Variants in BCAS3 observed in about 807,000 individuals in gnomAD.
The protein encoded by BCAS3 is BCAS4/BCAS3 fusion.
A neutral mutation model predicts 116.1 loss-of-function variants in BCAS3; 53 were observed. The ratio of observed to expected loss-of-function variants is 0.46; its 90% CI spans 0.37 to 0.57. BCAS3 has a LOEUF of 0.57. Ranked by LOEUF, BCAS3 falls within the 20% of genes least tolerant of loss-of-function variation. The pLI, the probability that BCAS3 is intolerant of heterozygous loss-of-function variation, is 0.00. For synonymous variants in BCAS3, 391 were observed against 408.2 expected (o/e 0.96, Z 0.51); for missense variants, 917 against 1,165.4 (o/e 0.79, Z 3.10).
In BCAS3 at chr17:61,391,924, C is replaced by G; in HGVS notation, c.2594-53C>G. On this transcript the variant is annotated intron_variant, in intron 23 of 23. Transcript: ENST00000407086. This position sits in a 1 kb window ranked among gnomAD's most constrained non-coding sequence, Gnocchi z 7.7. ...AGGCAGCCTGGCCCAGATGGTGCCC[C>G]CACTCCCCAGACCCAACTCTAACCA... 2.5e-6 allele frequency: 4 copies of G among 1,583,928 alleles called. No individual in the cohort carries two copies. The highest frequency in any genetic ancestry group is 3.4e-6 in the Non-Finnish European group (4 of 1,164,692).
intron 5 of BCAS3, among the ~76,000 whole-genome samples, chr17:60,728,363 G>A (rs1026650032): frequency 8.5e-5 from 13 of 152,116 alleles, no homozygotes; most frequent in Non-Finnish European, 1.8e-4. Context: ...TTAGTAATAT[G>A]CATATAAGGT....
At position 61,348,940 on chromosome 17, in the gene BCAS3, G is replaced by C. The variant is rs1290562039; in HGVS notation, c.2426-19387G>C. On this transcript the variant is annotated intron_variant, in intron 22 of 23. Transcript: ENST00000407086. This position sits in a 1 kb window ranked among gnomAD's most constrained non-coding sequence, Gnocchi z 4.5. ...GCTAACTTTTTGTATTTTTGGTAGA[G>C]ATGGGGTTTCACCGTGTTAGCCAGG... is the stretch of plus-strand genomic sequence containing the variant. 6.6e-6 allele frequency among the ~76,000 whole-genome samples: 1 copy of C among 151,954 alleles called. No homozygotes were observed. Among genetic ancestry groups the C allele is most frequent in the Non-Finnish European group, 1.5e-5 (1 of 68,000 alleles).
intron 6 of BCAS3, among the ~76,000 whole-genome samples, chr17:60,803,795 G>GA (rs2048021211): frequency 9.9e-6 from 1 of 100,740 alleles, no homozygotes; most frequent in Non-Finnish European, 1.9e-5. Flanking sequence ...TAACTATTAC[G>GA]ATTTTTTTTT....
chr17:60,811,703 A>G (rs966846654), intron 7 of BCAS3, among the ~76,000 whole-genome samples: 2 of 152,248 alleles, frequency 1.3e-5, no homozygotes, highest in Admixed American at 6.5e-5. Flanking sequence ...GTTAGAATTT[A>G]TATAAAACTC....
intron 6 of BCAS3, among the ~76,000 whole-genome samples, chr17:60,755,162 G>A (rs1428715492): frequency 2.0e-5 from 3 of 152,122 alleles, no homozygotes; most frequent in African/African-American, 7.2e-5. Context: ...ATGGTTTTAG[G>A]TATAGGAAAT....
chr17:61,313,172 C>T lies in BCAS3; in HGVS notation c.2426-55155C>T, dbSNP rs1210756646. 6.6e-6 allele frequency among the ~76,000 whole-genome samples: 1 copy of T among 152,226 alleles called. No homozygotes were observed. Among genetic ancestry groups the T allele is most frequent in the Non-Finnish European group, 1.5e-5 (1 of 68,046 alleles). ...ACAGTCTTTGGATTCATGGCAATTA[C>T]TGCCAGGTAGAGAAAGCGAATGCTG... On this transcript the variant is annotated intron_variant, in intron 22 of 23. Transcript: ENST00000407086. The surrounding 1 kb of genome is among the most constrained non-coding windows in gnomAD (Gnocchi z 4.3).
intron 19 of BCAS3, among the ~76,000 whole-genome samples, chr17:61,046,024 T>TTATATATATATA (rs2068211167): frequency 9.9e-5 from 1 of 10,146 alleles, no homozygotes; most frequent in African/African-American, 1.1e-3. Context: ...ATATATATAT[T>TTATATATATATA]ATATATATAT....
At chr17:60,838,592 G>T (rs1017962981) in intron 7 of BCAS3, among the ~76,000 whole-genome samples, 1 of 151,774 alleles carries the variant, frequency 6.6e-6, no homozygotes, top group Non-Finnish European at 1.5e-5. Flanking sequence ...AAATATTTTA[G>T]GTTCATTGGA....
Position 61,244,953 on chromosome 17 carries a change from T to C in BCAS3, c.2426-123374T>C, listed in dbSNP as rs2047816808. 6.6e-6 allele frequency among the ~76,000 whole-genome samples: 1 copy of C among 152,266 alleles called. No homozygotes were observed. The highest frequency in any genetic ancestry group is 1.5e-5 in the Non-Finnish European group (1 of 68,046). ...ATTGCATAGTATTTTGTGATTTCAT[T>C]ATTCATCTTTCTAAATGTGGTGTAA... On this transcript the variant is annotated intron_variant, in intron 22 of 23. Transcript: ENST00000407086. This position sits in a 1 kb window ranked among gnomAD's most constrained non-coding sequence, Gnocchi z 4.9.
At chr17:61,165,731 T>A (rs1029424884) in intron 22 of BCAS3, among the ~76,000 whole-genome samples, 3 of 152,128 alleles carry the variant, frequency 2.0e-5, no homozygotes, top group Admixed American at 6.5e-5. Flanking sequence ...AACTATTTTT[T>A]AAAAAAATAC....
At chr17:61,271,406 G>T (rs1301277520) in intron 22 of BCAS3, among the ~76,000 whole-genome samples, 1 of 139,136 alleles carries the variant, frequency 7.2e-6, no homozygotes, top group Non-Finnish European at 1.5e-5. Flanking sequence ...GATTACAGGT[G>T]TAAGCCACCA....
rs1048239576 is a variant in BCAS3, at chr17:60,745,024, C to CT, written c.322-2165dup. ...TATGCTAAGACAGATTTGTTTTATT[C>CT]TTTTTTTTTGAATAATTGAGTACAG... On this transcript the variant is annotated intron_variant, in intron 5 of 23. Coordinates refer to ENST00000407086, the MANE Select transcript of BCAS3 (RefSeq NM_017679.5). Among the ~76,000 whole-genome samples, 294 of 150,962 alleles carry CT rather than the reference C, an allele frequency of 1.9e-3. 1 individual carries two copies. Among genetic ancestry groups the CT allele is most frequent in the African/African-American group, 6.4e-3 (262 of 41,254 alleles).
Position 61,126,064 on chromosome 17 carries a change from T to C in BCAS3, c.2425+41500T>C, listed in dbSNP as rs1422556770. On this transcript the variant is annotated intron_variant, in intron 22 of 23. Transcript: ENST00000407086. The surrounding 1 kb of genome is among the most constrained non-coding windows in gnomAD (Gnocchi z 4.6). Reference sequence around the variant, plus strand: ...CTGAGTAATGTGAAATGTATGTGAATTGGAAGCAGTAATAAATTGTGAATG... The same window carrying C: ...CTGAGTAATGTGAAATGTATGTGAACTGGAAGCAGTAATAAATTGTGAATG... 6.6e-6 allele frequency among the ~76,000 whole-genome samples: 1 copy of C among 152,162 alleles called. No homozygotes were observed. Among genetic ancestry groups the C allele is most frequent in the African/African-American group, 2.4e-5 (1 of 41,460 alleles).
chr17:61,099,492 C>A (rs556588456), intron 22 of BCAS3, among the ~76,000 whole-genome samples: 30 of 152,172 alleles, frequency 2.0e-4, no homozygotes, highest in African/African-American at 7.2e-4. Flanking sequence ...GTTAGGTTTG[C>A]CCTTATGTTA....
Position 61,173,980 on chromosome 17 carries a change from A to G in BCAS3, c.2425+89416A>G, listed in dbSNP as rs79541541. 8.7e-4 allele frequency among the ~76,000 whole-genome samples: 132 copies of G among 152,338 alleles called. 1 individual carries two copies. Among genetic ancestry groups the G allele is most frequent in the African/African-American group, 3.1e-3 (128 of 41,578 alleles). On this transcript the variant is annotated intron_variant, in intron 22 of 23. Transcript: ENST00000407086. ...AGTTCTTCATTTTAACACCAATACT[A>G]TAATCCATTTTTAAAAATGGAAATT...
intron 22 of BCAS3, among the ~76,000 whole-genome samples, chr17:61,116,159 T>C (rs1399514383): frequency 2.6e-5 from 4 of 151,736 alleles, no homozygotes; most frequent in Admixed American, 2.6e-4. Flanking sequence ...AGTTAGTGGG[T>C]GCAGCGCACC....
intron 9 of BCAS3, among the ~76,000 whole-genome samples, chr17:60,884,834 T>A (rs1360846853): frequency 7.2e-6 from 1 of 139,696 alleles, no homozygotes; most frequent in Non-Finnish European, 1.6e-5. Context: ...TCTGTTCTTT[T>A]ACATTTGCTG....
intron 22 of BCAS3, among the ~76,000 whole-genome samples, chr17:61,169,896 C>T (rs1254649693): frequency 6.6e-6 from 1 of 152,094 alleles, no homozygotes; most frequent in Non-Finnish European, 1.5e-5. Context: ...GCACTGTCGC[C>T]CAGGCTGTAG....
At position 61,029,746 on chromosome 17, in the gene BCAS3, T is replaced by C. The variant is rs2066498369; in HGVS notation, c.1638-4920T>C. On this transcript the variant is annotated intron_variant, in intron 16 of 23. Coordinates refer to ENST00000407086, the MANE Select transcript of BCAS3 (RefSeq NM_017679.5). The surrounding 1 kb of genome is among the most constrained non-coding windows in gnomAD (Gnocchi z 5.2). ...TTATATAAGGGTAAATTTTAAAGAA[T>C]TAAAATTTGCATATTAAATTAGAAA... 6.6e-6 allele frequency among the ~76,000 whole-genome samples: 1 copy of C among 152,008 alleles called. No individual in the cohort carries two copies. Among genetic ancestry groups the C allele is most frequent in the Non-Finnish European group, 1.5e-5 (1 of 67,928 alleles).
Sources: gnomAD v4.1 joint callset for allele counts (sites outside exome capture counted in the v4.1 genomes callset) on GRCh38, gnomAD v4.1.1 for gene constraint, Gnocchi (gnomAD v3.1) non-coding constraint, MANE v1.5 for transcripts, NCBI Gene and HGNC (gene_info 2026-07-23, HGNC 2026-07-21) for gene names.